The following CMTM8 variants were observed in gnomAD, a reference collection of about 807,000 sequenced individuals.
CMTM8 encodes the protein CKLF-like MARVEL transmembrane domain-containing protein 8.
In CMTM8, 12 loss-of-function variants were observed where a neutral mutation model predicts 18.6. That is an observed-to-expected ratio of 0.65 (90% CI 0.41 to 1.05). The LOEUF (loss-of-function observed/expected upper bound fraction) is 1.05, where lower values mean the gene tolerates loss of function less well. Ranked by LOEUF, CMTM8 falls within the 50% of genes least tolerant of loss-of-function variation. CMTM8 has a pLI of 0.00. For synonymous variants in CMTM8, 87 were observed against 90.6 expected, an observed-to-expected ratio of 0.96 and a Z score of 0.23; for missense variants, 217 against 227.2, an observed-to-expected ratio of 0.95 and a Z score of 0.29.
At chr3:32,329,138 T>G (rs1157423317) in intron 1 of CMTM8, among the ~76,000 whole-genome samples, 1 of 152,142 alleles carries the variant, frequency 6.6e-6, no homozygotes. Flanking sequence ...AGTGGTGCAA[T>G]CACTGCAACC....
chr3:32,285,034 A>G (rs1702658129), intron 1 of CMTM8, among the ~76,000 whole-genome samples: 1 of 152,184 alleles, frequency 6.6e-6, no homozygotes. Context: ...CCTTTTCCTC[A>G]TATGACCTGG....
chr3:32,253,088 A>G (rs1247895964), intron 1 of CMTM8, among the ~76,000 whole-genome samples: 1 of 152,196 alleles, frequency 6.6e-6, no homozygotes, highest in East Asian at 1.9e-4. Flanking sequence ...AGTGAATTGT[A>G]TTAGGAAACC....
intron 1 of CMTM8, among the ~76,000 whole-genome samples, chr3:32,247,239 C>T (rs139056020): frequency 2.6e-3 from 389 of 152,056 alleles, no homozygotes; most frequent in Admixed American, 5.2e-3. Context: ...ATAAAATTGA[C>T]CTTTTTAAAG....
intron 1 of CMTM8, among the ~76,000 whole-genome samples, chr3:32,345,366 A>AT (rs138228697): frequency 0.018 from 2,743 of 150,610 alleles, 48 homozygotes; most frequent in South Asian, 0.065. Context: ...AAAAACAACA[A>AT]TTTTTTTTTT....
chr3:32,341,698 G>A (rs1466950463), intron 1 of CMTM8, among the ~76,000 whole-genome samples: 1 of 151,404 alleles, frequency 6.6e-6, no homozygotes, highest in African/African-American at 2.4e-5. Context: ...CCAACATGGC[G>A]AAACCCCCTC....
At position 32,249,030 on chromosome 3, in the gene CMTM8, CTTTTTTTTTTTTT is replaced by C. The variant is rs58156524; in HGVS notation, c.147+9927_147+9939del. 8.0e-5 allele frequency among the ~76,000 whole-genome samples: 5 copies of C among 62,454 alleles called. 1 individual carries two copies. Among genetic ancestry groups the C allele is most frequent in the African/African-American group, 3.4e-4 (5 of 14,618 alleles). The allele number at this position is 62,454 out of a possible 152,430, so 41.0% of individuals were successfully genotyped here. ...ATGGAGTTACTGGGTAATGTGGAAT[CTTTTTTTTTTTTT>C]TTTTTTTTTTTTTTTGATACGGAGT... is the stretch of plus-strand genomic sequence containing the variant. On this transcript the variant is annotated intron_variant, in intron 1 of 3. Transcript: ENST00000307526.
chr3:32,349,685 G>A (rs1696666556), intron 1 of CMTM8, among the ~76,000 whole-genome samples: 1 of 152,126 alleles, frequency 6.6e-6, no homozygotes, highest in Admixed American at 6.5e-5. Context: ...ACAGTGTACA[G>A]TGCACAGGGC....
intron 1 of CMTM8, among the ~76,000 whole-genome samples, chr3:32,250,373 A>C (rs1258569355): frequency 2.0e-5 from 3 of 152,198 alleles, no homozygotes; most frequent in Admixed American, 6.5e-5. Context: ...TTCCAAATAA[A>C]TTTTAGGATC....
At chr3:32,295,731 G>T (rs1702867243) in intron 1 of CMTM8, among the ~76,000 whole-genome samples, 2 of 152,038 alleles carry the variant, frequency 1.3e-5, no homozygotes, top group African/African-American at 2.4e-5. Flanking sequence ...TCTCCCCTCT[G>T]CTTAAACCCC....
intron 1 of CMTM8, among the ~76,000 whole-genome samples, chr3:32,320,628 C>G (rs1465999235): frequency 4.9e-4 from 74 of 152,184 alleles, no homozygotes; most frequent in African/African-American, 7.2e-5. Context: ...TGAATTATCT[C>G]TCAATAAAGC....
intron 1 of CMTM8, among the ~76,000 whole-genome samples, chr3:32,322,889 A>G (rs935566765): frequency 3.3e-5 from 5 of 152,212 alleles, no homozygotes; most frequent in South Asian, 2.1e-4. Context: ...TGCATTCCCC[A>G]TGACATCTTG....
chr3:32,253,489 C>T (rs376995599), intron 1 of CMTM8, among the ~76,000 whole-genome samples: 6 of 150,806 alleles, frequency 4.0e-5, no homozygotes, highest in South Asian at 4.2e-4. Context: ...GGATTACAGT[C>T]GTCCGCCATC....
intron 1 of CMTM8, among the ~76,000 whole-genome samples, chr3:32,341,352 C>G (rs1011804069): frequency 2.0e-5 from 3 of 152,194 alleles, no homozygotes; most frequent in African/African-American, 7.2e-5. Context: ...AAGAACACGG[C>G]AGGAGCCAGC....
At chr3:32,334,970 C>T (rs9880262) in intron 1 of CMTM8, among the ~76,000 whole-genome samples, 73,587 of 151,872 alleles carry the variant, frequency 0.48, 18,150 homozygotes, top group Middle Eastern at 0.68. Flanking sequence ...AGCCCTGGGC[C>T]GTCTTGGTGA....
chr3:32,301,569 A>G (rs1417482390), intron 1 of CMTM8, among the ~76,000 whole-genome samples: 1 of 152,000 alleles, frequency 6.6e-6, no homozygotes, highest in Non-Finnish European at 1.5e-5. Flanking sequence ...GATAGGGGAG[A>G]CACAGCCCTT....
chr3:32,319,074 A>ATATATATATATATATATATTTT, intron 1 of CMTM8, among the ~76,000 whole-genome samples: 5 of 31,526 alleles, frequency 1.6e-4, no homozygotes, highest in African/African-American at 6.1e-4. Flanking sequence ...ATATATATAT[A>ATATATATATATATATATATTTT]TTTTTTTTTT....
At chr3:32,304,998 G>T (rs537105102) in intron 1 of CMTM8, among the ~76,000 whole-genome samples, 4 of 152,324 alleles carry the variant, frequency 2.6e-5, no homozygotes, top group Admixed American at 2.0e-4. Context: ...TGGGCTAGTG[G>T]CTGAGAACCA....
intron 1 of CMTM8, among the ~76,000 whole-genome samples, chr3:32,250,727 T>C (rs1361009158): frequency 1.3e-5 from 2 of 152,058 alleles, no homozygotes; most frequent in Admixed American, 1.3e-4. Context: ...TCCAATTGAG[T>C]TCTTTTTTAT....
intron 1 of CMTM8, among the ~76,000 whole-genome samples, chr3:32,242,716 T>C (rs1701959448): frequency 6.6e-6 from 1 of 152,210 alleles, no homozygotes; most frequent in African/African-American, 2.4e-5. Flanking sequence ...AGATCTAAAA[T>C]ATCACAATGA....
Sources: gnomAD v4.1 joint callset for allele counts (sites outside exome capture counted in the v4.1 genomes callset) on GRCh38, gnomAD v4.1.1 for gene constraint, MANE v1.5 for transcripts, NCBI Gene and HGNC (gene_info 2026-07-23, HGNC 2026-07-21) for gene names.